The following HHATL variants were observed in gnomAD, a reference collection of about 807,000 sequenced individuals.
The protein encoded by HHATL is hedgehog acyltransferase like, also known as protein-cysteine N-palmitoyltransferase HHAT-like protein.
A neutral mutation model predicts 59.7 loss-of-function variants in HHATL; 49 were observed. The ratio of observed to expected loss-of-function variants is 0.82; its 90% CI spans 0.65 to 1.04. The LOEUF is 1.04. HHATL is among the 50% of genes least tolerant of loss of function. HHATL has a pLI of 0.00. For missense variants in HHATL, 605 were observed against 650.8 expected (o/e 0.93, Z 0.77); for synonymous variants, 238 against 257.3 (o/e 0.93, Z 0.72).
At position 42,700,838 on chromosome 3, in the gene HHATL, G is replaced by A. The variant is rs532454181; in HGVS notation, c.-12C>T. The A allele has an allele frequency of 1.9e-6, 3 of 1,604,838 alleles. No homozygotes were observed. Among genetic ancestry groups the A allele is most frequent in the Admixed American group, 1.7e-5 (1 of 59,880 alleles). ...GTCTTGATGCCCATAGCCTGGACAG[G>A]GCTGGGGAGACAGGTTGGGTGAGGG... On this transcript the variant is annotated splice_region_variant and 5_prime_UTR_variant, in exon 2 of 12. Transcript: ENST00000441594.
At position 42,697,261 on chromosome 3, in the gene HHATL, C is replaced by A. The variant is rs1011795394; in HGVS notation, c.866-116G>T. The A allele has an allele frequency of 1.6e-5, 21 of 1,301,320 alleles. No individual in the cohort carries two copies. The South Asian group carries it at 3.0e-4, about 18-fold the overall frequency. The allele number at this position is 1,301,320 out of a possible 1,614,324, so 80.6% of individuals were successfully genotyped here. A position where few individuals can be genotyped will look rare whatever the true frequency, so the allele number is the denominator to read the frequency against. On this transcript the variant is annotated intron_variant, in intron 7 of 11. Transcript: ENST00000441594. ...CCAGGCTCTGCCCGCCCCACGGAGA[C>A]CCCCCCATATTGTGGAAATCAGTCA...
Position 42,692,914 on chromosome 3 carries a change from C to T in HHATL, c.1391-39G>A, listed in dbSNP as rs536100790. Reference sequence around the variant, plus strand: ...GAGTCATAGATGCTCAGGAGCAGCACTGCATCCTCAGCGACTTTTGTCTTC... The same window carrying T: ...GAGTCATAGATGCTCAGGAGCAGCATTGCATCCTCAGCGACTTTTGTCTTC... On this transcript the variant is annotated intron_variant, in intron 11 of 11. Transcript: ENST00000441594. The T allele has an allele frequency of 3.2e-5, 52 of 1,600,720 alleles. No homozygotes were observed. In the South Asian group the frequency reaches 5.4e-4, roughly 17 times the overall value.
rs1219498964 is a variant in HHATL at position 42,700,794 on chromosome 3, C to T, written c.33G>A (p.Glu11=). The T allele has an allele frequency of 2.5e-6, 4 of 1,613,892 alleles. No homozygotes were observed. The highest frequency in any genetic ancestry group is 2.5e-6 in the Non-Finnish European group (3 of 1,179,874). Residue 11 remains glutamate, a synonymous_variant, in exon 2 of 12, where the codon GAG becomes GAA. Transcript: ENST00000441594. ...TCAGCACCAGAGAGTAGAGGCCCAGCTCAGCCGCCGGCAATGCTGTCTTGA... is the reference window on the plus strand; with the variant it reads ...TCAGCACCAGAGAGTAGAGGCCCAGTTCAGCCGCCGGCAATGCTGTCTTGA... The part of the protein sequence containing the change: MGIKTALPAA[E]LGLYSLVLSG...
At chr3:42,698,442 C>T in intron 5 of HHATL, 91 bp from the exon 6 acceptor site, 1 of 1,218,584 alleles carries the variant, frequency 8.2e-7, no homozygotes, top group South Asian at 1.4e-5. Flanking sequence ...CCACAGGGGC[C>T]CAGCCTGGTC....
chr3:42,698,971 C>A (rs914193257), intron 4 of HHATL, 61 bp downstream of exon 4: 1 of 1,610,556 alleles, frequency 6.2e-7, no homozygotes, highest in East Asian at 2.2e-5. Flanking sequence ...GGGGTTCCCA[C>A]AACCCTTGTG....
At chr3:42,698,079 G>T in intron 6 of HHATL, 63 bp downstream of exon 6, 1 of 1,505,312 alleles carries the variant, frequency 6.6e-7, no homozygotes. Flanking sequence ...ATCTGAGATG[G>T]AAACCCCAAT....
chr3:42,699,000 G>A (rs74648342), intron 4 of HHATL, 32 bp downstream of exon 4: 5 of 1,611,960 alleles, frequency 3.1e-6, no homozygotes, highest in Non-Finnish European at 4.2e-6. Flanking sequence ...GGAGCTGGCA[G>A]GGAGAGGCTG....
At chr3:42,700,937 G>C in intron 1 of HHATL, 98 bp from the exon 2 acceptor site, 1 of 758,080 alleles carries the variant, frequency 1.3e-6, no homozygotes, top group Non-Finnish European at 2.2e-6. Context: ...TCTGAAGAGA[G>C]ATTGCCCCTC....
At chr3:42,700,290 G>A (rs1459313109) in intron 2 of HHATL, among the ~76,000 whole-genome samples, 1 of 148,850 alleles carries the variant, frequency 6.7e-6, no homozygotes. Flanking sequence ...GTGTGTGTAT[G>A]TGTGTGTGTG....
intron 7 of HHATL, 23 bp from the exon 8 acceptor site, chr3:42,697,168 G>T: frequency 6.6e-7 from 1 of 1,512,470 alleles, no homozygotes; most frequent in Non-Finnish European, 8.8e-7. Context: ...CACTGTCACT[G>T]CCTGGGGTCC....
At position 42,697,046 on chromosome 3, in the gene HHATL, G is replaced by T; in HGVS notation, c.965C>A (p.Pro322His). ...TGCGGTGATGCACTTGGGAGGCTGGGGTGGGTCCAGGTGGTCGAGGCATGC... is the reference window on the plus strand; with the variant it reads ...TGCGGTGATGCACTTGGGAGGCTGGTGTGGGTCCAGGTGGTCGAGGCATGC... The part of the protein sequence containing the change: ...TVACLDHLDP[P>H]QPPKCITALY... The change falls in exon 8 of 12, where the codon CCC (proline) becomes CAC (histidine). Residue 322 changes from proline to histidine, a missense_variant. Transcript: ENST00000441594. 1 of 1,594,298 alleles carries T rather than the reference G, an allele frequency of 6.3e-7. No homozygotes were observed. The highest frequency in any genetic ancestry group is 8.6e-7 in the Non-Finnish European group (1 of 1,169,376).
In HHATL at chr3:42,696,982, C is replaced by G. The variant is rs566884744; in HGVS notation, c.1010+19G>C. Reference sequence around the variant, plus strand: ...GTGGTCCCAGGGGGTGAGCCTCCCCCGTCCTGGCCAGCACTCACGTTTCCG... The same window carrying G: ...GTGGTCCCAGGGGGTGAGCCTCCCCGGTCCTGGCCAGCACTCACGTTTCCG... On this transcript the variant is annotated intron_variant, in intron 8 of 11. Coordinates refer to ENST00000441594, the MANE Select transcript of HHATL (RefSeq NM_020707.4). 7 of 1,611,224 alleles carry G rather than the reference C, an allele frequency of 4.3e-6. No individual in the cohort carries two copies. The highest frequency in any genetic ancestry group is 2.2e-5 in the East Asian group (1 of 44,826).
At chr3:42,700,406 G>T (rs1457513575) in intron 2 of HHATL, among the ~76,000 whole-genome samples, 1 of 145,798 alleles carries the variant, frequency 6.9e-6, no homozygotes, top group African/African-American at 2.6e-5. Flanking sequence ...GTATGTCTGG[G>T]TCTAGGTCTC....
rs111496418 is a variant in HHATL at position 42,700,082 on chromosome 3, G to C, written c.107-257C>G. On this transcript the variant is annotated intron_variant, in intron 2 of 11. Transcript: ENST00000441594. The stretch of plus-strand genomic sequence containing the variant: ...TGTGTGTGTCGGGGTCCAGGTCTCT[G>C]TGTGTGTGTGTGTGTGTCGGGATGT... Among the ~76,000 whole-genome samples, 963 of 146,568 alleles carry C rather than the reference G, an allele frequency of 6.6e-3. 15 individuals are homozygous for C. The highest frequency in any genetic ancestry group is 0.023 in the African/African-American group (893 of 39,658).
At position 42,698,910 on chromosome 3, in the gene HHATL, C is replaced by T; in HGVS notation, c.289-8G>A. 1.2e-6 allele frequency: 2 copies of T among 1,603,860 alleles called. No individual in the cohort carries two copies. Among genetic ancestry groups the T allele is most frequent in the Non-Finnish European group, 1.7e-6 (2 of 1,173,998 alleles). The stretch of plus-strand genomic sequence containing the variant: ...ATACATCCAGGAGCGGAGCTGTGGG[C>T]AGGGAGAAGGCTTCAGTTTCGCCAT... On this transcript the variant is annotated splice_region_variant and splice_polypyrimidine_tract_variant and intron_variant, in intron 4 of 11. Transcript: ENST00000441594.
At position 42,693,601 on chromosome 3, in the gene HHATL, G is replaced by A. The variant is rs752563105; in HGVS notation, c.1248+16C>T. 4.2e-5 allele frequency: 68 copies of A among 1,611,152 alleles called. No individual in the cohort carries two copies. Among genetic ancestry groups the A allele is most frequent in the Non-Finnish European group, 5.5e-5 (65 of 1,177,994 alleles). On this transcript the variant is annotated intron_variant, in intron 10 of 11. Transcript: ENST00000441594. ...TATGACCCAGCCAGTCCCAGCCCCA[G>A]GTCTTCCCTGCTCACCTCAATTCGT...
rs1697784774 is a variant in HHATL at position 42,698,883 on chromosome 3, G to A, written c.308C>T (p.Ala103Val). The change falls in exon 5 of 12, where the codon GCT becomes GTT. Residue 103 changes from alanine (A) to valine (V), a missense_variant. Physicochemically the swap from Ala to Val is moderately conservative, Grantham distance 64 (BLOSUM62 0). Transcript: ENST00000441594. ...VAPKLRSWMY[A>V]VYGALAVMGT... is the part of the protein sequence containing the mutation. ...CATCACAGCCAAGGCCCCGTACACA[G>A]CATACATCCAGGAGCGGAGCTGTGG... 1 of 1,609,606 alleles carries A rather than the reference G, an allele frequency of 6.2e-7. No individual in the cohort carries two copies. Among genetic ancestry groups the A allele is most frequent in the Non-Finnish European group, 8.5e-7 (1 of 1,177,910 alleles).
At chr3:42,700,460 G>GTGTA (rs1697908248) in intron 2 of HHATL, among the ~76,000 whole-genome samples, 1 of 151,972 alleles carries the variant, frequency 6.6e-6, no homozygotes, top group Non-Finnish European at 1.5e-5. Context: ...GTGTGTGTGT[G>GTGTA]TGTGTCTATG....
chr3:42,697,012 G>A lies in HHATL; in HGVS notation c.999C>T (p.Val333=). The change falls in exon 8 of 12, where the codon GTC becomes GTT. Residue 333 remains valine (V), a synonymous_variant. Transcript: ENST00000441594. ...QPPKCITALY[V]FAETHFDRGI... ...TGGCCAGCACTCACGTTTCCGCAAA[G>A]ACGTAGAGTGCGGTGATGCACTTGG... 6.2e-7 allele frequency: 1 copy of A among 1,607,152 alleles called. No individual in the cohort carries two copies. Among genetic ancestry groups the A allele is most frequent in the Non-Finnish European group, 8.5e-7 (1 of 1,175,934 alleles).
Sources: allele counts gnomAD v4.1 joint callset (sites outside exome capture counted in the v4.1 genomes callset), GRCh38; gene constraint gnomAD v4.1.1; transcripts MANE v1.5; gene names NCBI Gene and HGNC (gene_info 2026-07-23, HGNC 2026-07-21).